Variants in CLMP observed in about 807,000 individuals in gnomAD.
The protein encoded by CLMP is CXADR-like membrane protein.
Under a neutral mutation model 45.2 loss-of-function variants are expected in CLMP, and 27 were observed. The ratio of observed to expected loss-of-function variants is 0.60; its 90% CI spans 0.44 to 0.82. CLMP has a LOEUF of 0.82. Among genes scored for constraint, CLMP ranks in the 40% least tolerant of loss-of-function variants. CLMP has a pLI of 0.00. For synonymous variants in CLMP, 167 were observed against 171.4 expected (o/e 0.97, Z 0.20); for missense variants, 403 against 448.4 (o/e 0.90, Z 0.91).
intron 1 of CLMP, among the ~76,000 whole-genome samples, chr11:123,107,809 T>C (rs948459454): frequency 6.6e-6 from 1 of 152,032 alleles, no homozygotes; most frequent in Non-Finnish European, 1.5e-5. Context: ...TCCTATTTTT[T>C]TTTTGTTGTA....
chr11:123,106,603 G>A (rs529907524), intron 1 of CLMP, among the ~76,000 whole-genome samples: 64 of 152,116 alleles, frequency 4.2e-4, no homozygotes, highest in Non-Finnish European at 5.0e-4. Flanking sequence ...TTACTTTTCC[G>A]TAAAAGGAAA....
intron 2 of CLMP, among the ~76,000 whole-genome samples, chr11:123,087,546 G>C (rs1041198581): frequency 6.6e-6 from 1 of 151,604 alleles, no homozygotes; most frequent in East Asian, 2.0e-4. Context: ...TTTGCGGCTC[G>C]GTGCAGTGGC....
intron 5 of CLMP, among the ~76,000 whole-genome samples, chr11:123,080,862 G>T (rs911796290): frequency 1.3e-5 from 2 of 152,060 alleles, no homozygotes; most frequent in African/African-American, 4.8e-5. Context: ...TAATAAGGGG[G>T]CGCTGGGTGT....
chr11:123,085,540 C>T (rs1194736419), intron 2 of CLMP, among the ~76,000 whole-genome samples: 1 of 149,472 alleles, frequency 6.7e-6, no homozygotes, highest in Non-Finnish European at 1.5e-5. Context: ...TGAGCCACCA[C>T]GCCTGGCCTG....
intron 1 of CLMP, among the ~76,000 whole-genome samples, chr11:123,171,918 T>C (rs1591486140): frequency 1.3e-5 from 2 of 152,204 alleles, no homozygotes; most frequent in African/African-American, 2.4e-5. Context: ...ATCATCTGTG[T>C]TGGCTCTTAA....
intron 1 of CLMP, among the ~76,000 whole-genome samples, chr11:123,109,059 CAAAAAAAAAAAA>C (rs776811883): frequency 1.6e-5 from 1 of 64,262 alleles, no homozygotes; most frequent in South Asian, 5.8e-4. Flanking sequence ...AACTCTGTCT[CAAAAAAAAAAAA>C]AAAAAAAAAG....
chr11:123,125,277 G>A lies in CLMP; in HGVS notation c.29-27325C>T, dbSNP rs182586013. ...GCTATGTCCCAAATCTCCAAGGTCC[G>A]CATGTACACTCCTCTGCCTTTAGAA... On this transcript the variant is annotated intron_variant, in intron 1 of 6. Transcript: ENST00000448775. Among the ~76,000 whole-genome samples, 448 of 152,232 alleles carry A rather than the reference G, an allele frequency of 2.9e-3. 2 individuals carry two copies. The highest frequency in any genetic ancestry group is 0.01 in the African/African-American group (421 of 41,540).
chr11:123,151,186 T>C (rs1480170882), intron 1 of CLMP, among the ~76,000 whole-genome samples: 1 of 152,212 alleles, frequency 6.6e-6, no homozygotes, highest in Non-Finnish European at 1.5e-5. Context: ...GGCAGGGCCA[T>C]GGAGAGGGAA....
intron 1 of CLMP, among the ~76,000 whole-genome samples, chr11:123,148,889 C>T (rs372500084): frequency 6.6e-6 from 1 of 152,188 alleles, no homozygotes; most frequent in East Asian, 1.9e-4. Context: ...CCTAATGCCT[C>T]GGCTTCTAGA....
chr11:123,090,101 A>G (rs1163715856), intron 2 of CLMP, among the ~76,000 whole-genome samples: 1 of 151,810 alleles, frequency 6.6e-6, no homozygotes, highest in African/African-American at 2.4e-5. Context: ...AAGAAAAAAA[A>G]AAAAATTTCT....
At chr11:123,127,812 G>A (rs371415438) in intron 1 of CLMP, among the ~76,000 whole-genome samples, 7 of 152,058 alleles carry the variant, frequency 4.6e-5, no homozygotes, top group Non-Finnish European at 7.4e-5. Context: ...CAAGGTGGGC[G>A]GATTACCTGA....
intron 1 of CLMP, among the ~76,000 whole-genome samples, chr11:123,131,649 C>T (rs1357937903): frequency 6.6e-6 from 1 of 151,512 alleles, no homozygotes; most frequent in Non-Finnish European, 1.5e-5. Flanking sequence ...GAGTTTCGCT[C>T]TTGTTGCCCA....
chr11:123,130,171 G>A (rs1249170608), intron 1 of CLMP, among the ~76,000 whole-genome samples: 1 of 152,138 alleles, frequency 6.6e-6, no homozygotes, highest in Admixed American at 6.6e-5. Flanking sequence ...TTAGTGTTGG[G>A]GCTGGAGAAC....
chr11:123,135,879 C>G (rs1179804938), intron 1 of CLMP: 1 of 481,826 alleles, frequency 2.1e-6, no homozygotes, highest in East Asian at 5.5e-5. Flanking sequence ...TGCCACTTTT[C>G]TTCTCATAGT....
chr11:123,084,608 T>A lies in CLMP; in HGVS notation c.292A>T (p.Ile98Phe). 1.9e-6 allele frequency: 3 copies of A among 1,614,238 alleles called. No individual in the cohort carries two copies. The highest frequency in any genetic ancestry group is 2.5e-6 in the Non-Finnish European group (3 of 1,180,044). ...TCATCACTGGGCTTCAGAGGTTCAA[T>A]CTGCAAGGAGGCATCTCCTGCCAGG... ...NFLAGDASLQ[I>F]EPLKPSDEGR... is the part of the protein sequence containing the mutation. Residue 98 changes from isoleucine to phenylalanine, a missense_variant, in exon 3 of 7, where the codon ATT becomes TTT. Transcript: ENST00000448775.
intron 1 of CLMP, among the ~76,000 whole-genome samples, chr11:123,103,570 A>T (rs1011095690): frequency 4.6e-5 from 7 of 152,222 alleles, no homozygotes; most frequent in African/African-American, 1.7e-4. Flanking sequence ...AAATGGCTTC[A>T]TCAAGGCAGG....
Position 123,104,128 on chromosome 11 carries a change from CT to C in CLMP, c.29-6177del, listed in dbSNP as rs1241735527. Reference sequence around the variant, plus strand: ...TACAGGCCTGAGCCACCATGCCTGGCTTTTTTTTTTTTTTTTTTTTTTTTTA... The same window carrying C: ...TACAGGCCTGAGCCACCATGCCTGGCTTTTTTTTTTTTTTTTTTTTTTTTA... On this transcript the variant is annotated intron_variant, in intron 1 of 6. Coordinates refer to ENST00000448775, the MANE Select transcript of CLMP (RefSeq NM_024769.5). Among the ~76,000 whole-genome samples the C allele has an allele frequency of 6.8e-3, 490 of 72,386 alleles. 4 individuals are homozygous for C. The highest frequency in any genetic ancestry group is 0.039 in the East Asian group (72 of 1,866). 47.5% of individuals were successfully genotyped at this position (72,386 alleles called of 152,430 possible). A position where few individuals can be genotyped will look rare whatever the true frequency, so the allele number is the denominator to read the frequency against.
intron 1 of CLMP, among the ~76,000 whole-genome samples, chr11:123,135,033 G>C (rs1022781738): frequency 6.6e-6 from 1 of 152,076 alleles, no homozygotes; most frequent in African/African-American, 2.4e-5. Context: ...GCTGAAGGAG[G>C]TGGATCACCT....
chr11:123,159,583 T>C (rs901590918), intron 1 of CLMP, among the ~76,000 whole-genome samples: 1 of 152,204 alleles, frequency 6.6e-6, no homozygotes, highest in Non-Finnish European at 1.5e-5. Flanking sequence ...ATGTTAGCCT[T>C]ACTATTTCAA....
Sources: gnomAD v4.1 joint callset for allele counts (sites outside exome capture counted in the v4.1 genomes callset) on GRCh38, gnomAD v4.1.1 for gene constraint, MANE v1.5 for transcripts, NCBI Gene and HGNC (gene_info 2026-07-23, HGNC 2026-07-21) for gene names.